Variants in SPRY3 observed in about 807,000 individuals in gnomAD.
The protein encoded by SPRY3 is sprouty RTK signaling antagonist 3.
Under a neutral mutation model 20.2 loss-of-function variants are expected in SPRY3, and 15 were observed. That is an observed-to-expected ratio of 0.74 (90% CI 0.50 to 1.14). The LOEUF (loss-of-function observed/expected upper bound fraction) is 1.14. SPRY3 is among the 50% of genes most tolerant of loss of function. The pLI is 0.00. For synonymous variants in SPRY3, 143 were observed against 136.5 expected (o/e 1.05, Z -0.33); for missense variants, 364 against 363.9 (o/e 1.00, Z 0.00).
chrX:155,647,326 A>G (rs1557351962), intron 1 of SPRY3, among the ~76,000 whole-genome samples: 1 of 108,088 alleles, frequency 9.3e-6, no homozygotes, highest in African/African-American at 3.4e-5. Context: ...TTATTATTAT[A>G]CTTTAAGTTC....
At chrX:155,728,785 G>T (rs1410463738) in intron 2 of SPRY3, among the ~76,000 whole-genome samples, 1 of 152,024 alleles carries the variant, frequency 6.6e-6, no homozygotes, top group East Asian at 1.9e-4. Flanking sequence ...GCGACACCCT[G>T]CCCTGCTTTG....
chrX:155,680,197 GGAGA>G (rs761827872), intron 2 of SPRY3, among the ~76,000 whole-genome samples: 94 of 75,254 alleles, frequency 1.2e-3, no homozygotes, highest in Non-Finnish European at 1.9e-3. Context: ...TGTGTTTGAG[GGAGA>G]GAGAGAGAGA....
At chrX:155,719,771 A>G (rs1234732927) in intron 2 of SPRY3, among the ~76,000 whole-genome samples, 1 of 152,074 alleles carries the variant, frequency 6.6e-6, no homozygotes, top group Non-Finnish European at 1.5e-5. Context: ...TCCTGGCAGC[A>G]TTCATCACCT....
chrX:155,651,475 G>C (rs2067977409), intron 1 of SPRY3, among the ~76,000 whole-genome samples: 1 of 111,432 alleles, frequency 9.0e-6, no homozygotes, highest in African/African-American at 3.3e-5. Context: ...GGCCTTATTT[G>C]CAATTTGCAT....
chrX:155,623,546 T>C (rs1282412306), intron 1 of SPRY3, among the ~76,000 whole-genome samples: 2 of 112,118 alleles, frequency 1.8e-5, no homozygotes, highest in Non-Finnish European at 3.8e-5. Context: ...TGGAAACTCA[T>C]ACTCCAAAAT....
At chrX:155,740,633 C>T (rs951562128) in intron 2 of SPRY3, among the ~76,000 whole-genome samples, 12 of 152,074 alleles carry the variant, frequency 7.9e-5, no homozygotes, top group African/African-American at 2.4e-4. Context: ...AAGGTCAGAC[C>T]GGTTCTCTGC....
At chrX:155,752,222 G>C (rs956624777) in intron 2 of SPRY3, among the ~76,000 whole-genome samples, 2 of 151,168 alleles carry the variant, frequency 1.3e-5, no homozygotes, top group Non-Finnish European at 3.0e-5. Context: ...ATCCCTATGG[G>C]GTAGCTCTAT....
intron 2 of SPRY3, among the ~76,000 whole-genome samples, chrX:155,697,500 T>TACACACACACAC (rs35884004): frequency 1.0e-5 from 1 of 96,670 alleles, no homozygotes; most frequent in African/African-American, 4.0e-5. Flanking sequence ...ATTATACACA[T>TACACACACACAC]ACACACACAC....
intron 2 of SPRY3, chrX:155,767,709 G>A (rs1194232647): frequency 9.0e-6 from 1 of 111,604 alleles, no homozygotes; most frequent in African/African-American, 4.2e-5. Context: ...AGAAAGAAGA[G>A]GAGGAGGAGA....
chrX:155,658,886 A>G (rs1489896265), intron 2 of SPRY3, among the ~76,000 whole-genome samples: 4 of 111,533 alleles, frequency 3.6e-5, no homozygotes, highest in Admixed American at 9.5e-5. Flanking sequence ...TGAGGGTTTT[A>G]TCATGAAAGG....
At chrX:155,700,491 C>T (rs765302062) in intron 2 of SPRY3, among the ~76,000 whole-genome samples, 325 of 106,486 alleles carry the variant, frequency 3.1e-3, no homozygotes, top group African/African-American at 0.011. Flanking sequence ...ATGTTCATAG[C>T]AGCATTATTC....
intron 1 of SPRY3, among the ~76,000 whole-genome samples, chrX:155,627,430 T>C (rs2067891855): frequency 8.9e-6 from 1 of 112,090 alleles, no homozygotes; most frequent in Non-Finnish European, 1.9e-5. Flanking sequence ...CTAAATAATA[T>C]TCCAAAGTGG....
intron 2 of SPRY3, among the ~76,000 whole-genome samples, chrX:155,749,245 C>T (rs2091246257): frequency 6.6e-6 from 1 of 151,866 alleles, no homozygotes; most frequent in Non-Finnish European, 1.5e-5. Flanking sequence ...TTCTTTTAGG[C>T]ACTGGGGATA....
At chrX:155,732,737 T>C (rs1602973855) in intron 2 of SPRY3, among the ~76,000 whole-genome samples, 1 of 152,044 alleles carries the variant, frequency 6.6e-6, no homozygotes, top group Admixed American at 6.6e-5. Flanking sequence ...TAGTCAAGAT[T>C]TGGAAGGAAC....
At chrX:155,740,421 A>G (rs1387922354) in intron 2 of SPRY3, among the ~76,000 whole-genome samples, 1 of 152,158 alleles carries the variant, frequency 6.6e-6, no homozygotes, top group Non-Finnish European at 1.5e-5. Context: ...AGTAGGGAAG[A>G]TATTGCTAAA....
At chrX:155,749,953 G>C (rs2091252657) in intron 2 of SPRY3, among the ~76,000 whole-genome samples, 1 of 151,766 alleles carries the variant, frequency 6.6e-6, no homozygotes, top group African/African-American at 2.4e-5. Flanking sequence ...TTAAAGTCAT[G>C]AGACTGCATG....
chrX:155,614,903 G>T (rs1459817089), intron 1 of SPRY3, among the ~76,000 whole-genome samples: 1 of 111,077 alleles, frequency 9.0e-6, no homozygotes, highest in African/African-American at 3.3e-5. Context: ...ATAGTATCTG[G>T]GTCTTTTTAT....
At chrX:155,678,536 C>T (rs148897999) in intron 2 of SPRY3, among the ~76,000 whole-genome samples, 360 of 111,533 alleles carry the variant, frequency 3.2e-3, no homozygotes, top group African/African-American at 0.011. Flanking sequence ...TGTGTTTCTT[C>T]GCCAGAGCTC....
intron 2 of SPRY3, among the ~76,000 whole-genome samples, chrX:155,761,714 A>ATTT (rs59391494): frequency 2.3e-4 from 32 of 136,322 alleles, no homozygotes; most frequent in Non-Finnish European, 2.4e-4. Context: ...GCCAGCACCT[A>ATTT]TTTTTTTTTT....
Sources: gnomAD v4.1 joint callset for allele counts (sites outside exome capture counted in the v4.1 genomes callset) on GRCh38, gnomAD v4.1.1 for gene constraint, MANE v1.5 for transcripts, NCBI Gene and HGNC (gene_info 2026-07-23, HGNC 2026-07-21) for gene names.